COL2A1: variants seen among roughly 807,000 people sequenced by gnomAD.
COL2A1 encodes collagen type II alpha 1 chain.
A neutral mutation model predicts 204.5 loss-of-function variants in COL2A1; 28 were observed. That is an observed-to-expected ratio of 0.14 (90% CI 0.10 to 0.19). The LOEUF is 0.19. Among genes scored for constraint, COL2A1 ranks in the 10% least tolerant of loss-of-function variants. The probability of loss-of-function intolerance (pLI) is 1.00; values close to 1 mark genes in which losing one functional copy is unlikely to be tolerated. For synonymous variants in COL2A1, 708 were observed against 718.7 expected, an observed-to-expected ratio of 0.99 and a Z score of 0.24; for missense variants, 1,388 against 2,027.5, an observed-to-expected ratio of 0.68 and a Z score of 6.06.
intron 31 of COL2A1, 33 bp downstream of exon 31, chr12:47,983,352 A>G (rs761198882): frequency 1.2e-6 from 2 of 1,610,184 alleles, no homozygotes; most frequent in Non-Finnish European, 1.7e-6. Context: ...TCCCATCTAA[A>G]CAGGTTGCAG....
At chr12:47,999,812 A>G (rs1940147298) in intron 2 of COL2A1, 107 bp downstream of exon 2, 1 of 975,220 alleles carries the variant, frequency 1.0e-6, no homozygotes. Context: ...GGTCCCATGG[A>G]TAACTAGCCC....
At position 47,976,403 on chromosome 12, in the gene COL2A1, G is replaced by T; in HGVS notation, c.3489+111C>A. On this transcript the variant is annotated intron_variant, in intron 49 of 53. Transcript: ENST00000380518. This position sits in a 1 kb window ranked among gnomAD's most constrained non-coding sequence, Gnocchi z 4.3. ...AGTCCTGCCCCCATTACTGAGTGAG[G>T]ACCCCTGAGCCCACAGCTTCCCCAG... 2.4e-6 allele frequency: 3 copies of T among 1,240,784 alleles called. No homozygotes were observed. Among genetic ancestry groups the T allele is most frequent in the Non-Finnish European group, 3.5e-6 (3 of 845,708 alleles). The allele number at this position is 1,240,784 out of a possible 1,614,324, so 76.9% of individuals were successfully genotyped here. A position where few individuals can be genotyped will look rare whatever the true frequency, so the allele number is the denominator to read the frequency against.
rs2136526515 is a variant in COL2A1, at chr12:47,978,353, C to T, written c.2941G>A (p.Gly981Ser). Residue 981 changes from glycine (G) to serine (S), a missense_variant, in exon 43 of 54, where the codon GGC (glycine) becomes AGC (serine). Coordinates refer to ENST00000380518, the MANE Select transcript of COL2A1 (RefSeq NM_001844.5). The surrounding 1 kb of genome is among the most constrained non-coding windows in gnomAD (Gnocchi z 5.5). Reference sequence around the variant, plus strand: ...CGTTGCCCAGGCAGACCGACGATGCCTCTCTGACCAGCCAGACCCTGGGGA... The same window carrying T: ...CGTTGCCCAGGCAGACCGACGATGCTTCTCTGACCAGCCAGACCCTGGGGA... Reference protein sequence around the residue: ...PGPQGLAGQRGIVGLPGQRGE... With the variant: ...PGPQGLAGQRSIVGLPGQRGE... 6.2e-7 allele frequency: 1 copy of T among 1,614,104 alleles called. No homozygotes were observed. Among genetic ancestry groups the T allele is most frequent in the Non-Finnish European group, 8.5e-7 (1 of 1,180,032 alleles).
rs760573262 is a variant in COL2A1 at position 47,993,827 on chromosome 12, C to T, written c.906G>A (p.Ala302=). 1.2e-5 allele frequency: 19 copies of T among 1,614,044 alleles called. No individual in the cohort carries two copies. The Admixed American group carries it at 1.3e-4, about 11-fold the overall frequency. ...CTCTCACCTTCACACCAGGAGCACC[C>T]GCCTCTCCCTTAGCACCGTCCAGGC... ...YPGLDGAKGE[A]GAPGVKGESG... The change falls in exon 14 of 54, where the codon GCG becomes GCA. Residue 302 remains alanine (A), a synonymous_variant. Transcript: ENST00000380518.
intron 44 of COL2A1, 25 bp downstream of exon 44, chr12:47,977,985 C>G: frequency 6.2e-7 from 1 of 1,602,086 alleles, no homozygotes; most frequent in Non-Finnish European, 8.5e-7. Flanking sequence ...CAATCAGGGC[C>G]ACCCCAGGGG....
chr12:47,977,557 T>C lies in COL2A1; in HGVS notation c.3165+43A>G, dbSNP rs41272745. The C allele has an allele frequency of 4.7e-3, 7,524 of 1,612,782 alleles. 347 individuals are homozygous for C. The African/African-American group carries it at 0.086, about 18-fold the overall frequency. On this transcript the variant is annotated intron_variant, in intron 45 of 53. Coordinates refer to ENST00000380518, the MANE Select transcript of COL2A1 (RefSeq NM_001844.5). ...AGCTGACCTGTCAGGCCCGAGGCAA[T>C]GTCCTCCCCAACCCACTGCACACAC...
chr12:47,987,092 G>T lies in COL2A1; in HGVS notation c.1351C>A (p.Pro451Thr). The change falls in exon 21 of 54, where the codon CCG becomes ACG. Residue 451 changes from proline to threonine, a missense_variant. Pro to Thr is a conservative substitution (Grantham distance 38). Transcript: ENST00000380518. This position sits in a 1 kb window ranked among gnomAD's most constrained non-coding sequence, Gnocchi z 4.1. The part of the protein sequence containing the change: ...GPQGATGPLG[P>T]KGQTGEPGIA... ...TGGGCTCTTACCGTCTGACCTTTCG[G>T]GCCCAGAGGACCAGTTGCACCTTGA... 6.2e-7 allele frequency: 1 copy of T among 1,614,096 alleles called. No homozygotes were observed. The highest frequency in any genetic ancestry group is 8.5e-7 in the Non-Finnish European group (1 of 1,180,000).
rs199726428 is a variant in COL2A1, at chr12:47,975,490, T to G, written c.3713A>C (p.Tyr1238Ser). 3.0e-5 allele frequency: 48 copies of G among 1,613,388 alleles called. No homozygotes were observed. Among genetic ancestry groups the G allele is most frequent in the Non-Finnish European group, 4.1e-5 (48 of 1,180,030 alleles). ...PREKGPDPLQ[Y>S]MRADQAAGGL... ...ACCGGCTGCCTGGTCGGCCCGCATGTACTGCAGGGGGTCGGGGCCCTTCTC... is the reference window on the plus strand; with the variant it reads ...ACCGGCTGCCTGGTCGGCCCGCATGGACTGCAGGGGGTCGGGGCCCTTCTC... The change falls in exon 51 of 54, where the codon TAC becomes TCC. Residue 1238 changes from tyrosine to serine, a missense_variant. By Grantham distance (144) the Tyr-to-Ser change is moderately radical (BLOSUM62 -2). Coordinates refer to ENST00000380518, the MANE Select transcript of COL2A1 (RefSeq NM_001844.5).
rs1373043187 is a variant in COL2A1, at chr12:47,983,430, A to G, written c.2004T>C (p.Pro668=). The G allele has an allele frequency of 6.2e-7, 1 of 1,613,990 alleles. No individual in the cohort carries two copies. The highest frequency in any genetic ancestry group is 8.5e-7 in the Non-Finnish European group (1 of 1,179,986). The change falls in exon 31 of 54, where the codon CCT becomes CCC. Residue 668 remains proline, a synonymous_variant. Coordinates refer to ENST00000380518, the MANE Select transcript of COL2A1 (RefSeq NM_001844.5). ...CTTCACCTGGGGGACCAGGAGGGCC[A>G]GGAAGTCCCTAGAAGCCGAAGTGAC... is the stretch of plus-strand genomic sequence containing the variant. ...APGPSGFQGL[P]GPPGPPGEGG...
At position 47,987,470 on chromosome 12, in the gene COL2A1, C is replaced by T; in HGVS notation, c.1221+141G>A. 1 of 1,047,736 alleles carries T rather than the reference C, an allele frequency of 9.5e-7. No homozygotes were observed. Among genetic ancestry groups the T allele is most frequent in the Non-Finnish European group, 1.5e-6 (1 of 689,612 alleles). The allele number at this position is 1,047,736 out of a possible 1,614,324, so 64.9% of individuals were successfully genotyped here. On this transcript the variant is annotated intron_variant, in intron 19 of 53. Transcript: ENST00000380518. This position sits in a 1 kb window ranked among gnomAD's most constrained non-coding sequence, Gnocchi z 4.1. ...GGGGAAGATGGGATAGAAGGGAATACATCTAGAGGTGGGGACAGGCATTGG... is the reference window on the plus strand; with the variant it reads ...GGGGAAGATGGGATAGAAGGGAATATATCTAGAGGTGGGGACAGGCATTGG...
chr12:47,997,423 G>C (rs1483111448), intron 7 of COL2A1, among the ~76,000 whole-genome samples, 183 bp downstream of exon 7: 1 of 152,212 alleles, frequency 6.6e-6, no homozygotes, highest in East Asian at 1.9e-4. Flanking sequence ...CCAGCCCTTA[G>C]CACCACAGTC....
chr12:47,992,842 G>A (rs781036580), intron 16 of COL2A1, 36 bp downstream of exon 16: 156 of 1,610,738 alleles, frequency 9.7e-5, no homozygotes, highest in African/African-American at 2.7e-5. Context: ...TAAAGTGCTC[G>A]GCAAATGGTG....
Position 47,985,717 on chromosome 12 carries a change from C to T in COL2A1, c.1680+11G>A. On this transcript the variant is annotated intron_variant, in intron 25 of 53. Transcript: ENST00000380518. ...TCTGAAGCCAAGGGCAACAGCAGCT[C>T]TGCTACTTACCCGGGCTCCAGGAAG... The T allele has an allele frequency of 6.2e-7, 1 of 1,613,808 alleles. No individual in the cohort carries two copies. The highest frequency in any genetic ancestry group is 2.2e-5 in the East Asian group (1 of 44,874).
chr12:47,982,010 G>A (rs1939119355), intron 35 of COL2A1, 97 bp downstream of exon 35: 1 of 1,356,430 alleles, frequency 7.4e-7, no homozygotes, highest in Non-Finnish European at 1.1e-6. Flanking sequence ...CAGGACCAGG[G>A]ACCCCAGTGG....
Position 47,983,321 on chromosome 12 carries a change from C to T in COL2A1, c.2049+64G>A, listed in dbSNP as rs1939200004. ...TCCTCATGCCCTCTTGCCCTTGCCT[C>T]CTAGGCATCAGAAAAGACCTTCCCA... On this transcript the variant is annotated intron_variant, in intron 31 of 53. Coordinates refer to ENST00000380518, the MANE Select transcript of COL2A1 (RefSeq NM_001844.5). 1.5e-5 allele frequency: 24 copies of T among 1,576,028 alleles called. 2 individuals are homozygous for T. The South Asian group carries it at 2.7e-4, about 18-fold the overall frequency.
chr12:47,995,985 C>T, intron 8 of COL2A1, 66 bp from the exon 9 acceptor site: 1 of 1,319,216 alleles, frequency 7.6e-7, no homozygotes, highest in Non-Finnish European at 1.1e-6. Context: ...AGTGTGCCAT[C>T]TTCTCCCAGC....
intron 16 of COL2A1, 70 bp from the exon 17 acceptor site, chr12:47,989,875 CT>C: frequency 6.7e-7 from 1 of 1,487,264 alleles, no homozygotes; most frequent in Non-Finnish European, 9.3e-7. Context: ...CCAGCCCACC[CT>C]TACAGAAAAC....
chr12:48,001,581 C>T (rs1388443708), intron 1 of COL2A1, among the ~76,000 whole-genome samples: 2 of 152,154 alleles, frequency 1.3e-5, no homozygotes, highest in Admixed American at 6.5e-5. Context: ...AGAGGGGCCA[C>T]TCCCCGTGCG....
At chr12:47,977,468 A>G (rs1267541434) in intron 45 of COL2A1, 41 bp from the exon 46 acceptor site, 1 of 1,582,402 alleles carries the variant, frequency 6.3e-7, no homozygotes, top group African/African-American at 1.3e-5. Context: ...AGAATGTTCC[A>G]GAAGAGACAG....
Sources: gnomAD v4.1 joint callset for allele counts (sites outside exome capture counted in the v4.1 genomes callset) on GRCh38, gnomAD v4.1.1 for gene constraint, Gnocchi (gnomAD v3.1) non-coding constraint, MANE v1.5 for transcripts, NCBI Gene and HGNC (gene_info 2026-07-23, HGNC 2026-07-21) for gene names.